Variants in DYM observed in about 807,000 individuals in gnomAD.
DYM encodes the protein dyggve-Melchior-Clausen syndrome protein.
DYM carries 78 observed loss-of-function variants against 93.1 expected under a neutral mutation model. The ratio of observed to expected loss-of-function variants is 0.84; its 90% confidence interval spans 0.70 to 1.01. The LOEUF (loss-of-function observed/expected upper bound fraction) is 1.01, where lower values mean the gene tolerates loss of function less well. Ranked by LOEUF, DYM falls within the 50% of genes least tolerant of loss-of-function variation. DYM has a pLI of 0.00. For synonymous variants in DYM, 321 were observed against 319.7 expected, an observed-to-expected ratio of 1.00 and a Z score of -0.04; for missense variants, 789 against 845.0, an observed-to-expected ratio of 0.93 and a Z score of 0.82.
At chr18:49,391,876 A>C (rs545300153) in intron 2 of DYM, among the ~76,000 whole-genome samples, 16 of 152,216 alleles carry the variant, frequency 1.1e-4, no homozygotes, top group Non-Finnish European at 1.8e-4. Flanking sequence ...AGCTTGGGGC[A>C]CCCTGCCTTT....
rs544781094 is a variant in DYM at position 49,038,433 on chromosome 18, TA to T, written c.*5621del. On this transcript the variant is annotated 3_prime_UTR_variant, in exon 18 of 18. Coordinates refer to ENST00000675505, the MANE Select transcript of DYM (RefSeq NM_001353214.3). ...TAATTGAATTGACCCTTTTATTTCT[TA>T]AAAAAATTATTGCCTTAAAGTTTAC... Among the ~76,000 whole-genome samples the T allele has an allele frequency of 9.8e-5, 15 of 152,298 alleles. No individual in the cohort carries two copies. Among genetic ancestry groups the T allele is most frequent in the African/African-American group, 3.1e-4 (13 of 41,582 alleles).
intron 13 of DYM, among the ~76,000 whole-genome samples, chr18:49,230,367 C>A (rs979228750): frequency 1.3e-5 from 2 of 152,078 alleles, no homozygotes; most frequent in African/African-American, 4.8e-5. Flanking sequence ...CTTTAAAAAC[C>A]TTTGATATCA....
intron 8 of DYM, among the ~76,000 whole-genome samples, chr18:49,327,364 T>A (rs1371387121): frequency 6.6e-6 from 1 of 151,994 alleles, no homozygotes; most frequent in African/African-American, 2.4e-5. Context: ...TTGTTTTGTT[T>A]TTGTTTTTTT....
rs1029009534 is a variant in DYM at position 49,410,075 on chromosome 18, T to C, written c.141-18430A>G. Among the ~76,000 whole-genome samples the C allele has an allele frequency of 5.9e-5, 9 of 152,204 alleles. No individual in the cohort carries two copies. In the East Asian group the frequency reaches 1.7e-3, roughly 29 times the overall value. On this transcript the variant is annotated intron_variant, in intron 2 of 17. Coordinates refer to ENST00000675505, the MANE Select transcript of DYM (RefSeq NM_001353214.3). ...CTGAACACTTTGGATTTTGTGTGTG[T>C]GTGTTTTAGAGACAGGGTCTCGATG...
chr18:49,394,118 T>A (rs2069740384), intron 2 of DYM, among the ~76,000 whole-genome samples: 1 of 152,202 alleles, frequency 6.6e-6, no homozygotes, highest in African/African-American at 2.4e-5. Flanking sequence ...TACTTTAAAA[T>A]GGTTAAAATG....
At chr18:49,095,585 G>A (rs1355113280) in intron 17 of DYM, among the ~76,000 whole-genome samples, 1 of 151,816 alleles carries the variant, frequency 6.6e-6, no homozygotes, top group Non-Finnish European at 1.5e-5. Context: ...GCCCTCTTAA[G>A]AAATTTACCC....
At chr18:49,322,867 C>A (rs2062595008) in intron 8 of DYM, among the ~76,000 whole-genome samples, 1 of 152,100 alleles carries the variant, frequency 6.6e-6, no homozygotes, top group Non-Finnish European at 1.5e-5. Flanking sequence ...ATCTCAGCAG[C>A]CCCACAAAGG....
intron 17 of DYM, among the ~76,000 whole-genome samples, chr18:49,062,170 C>A (rs1229503157): frequency 6.6e-6 from 1 of 152,076 alleles, no homozygotes; most frequent in African/African-American, 2.4e-5. Flanking sequence ...GGTTAGAAAA[C>A]GGGGAGAGAG....
chr18:49,304,894 C>T (rs2061180774), intron 8 of DYM, among the ~76,000 whole-genome samples: 1 of 152,082 alleles, frequency 6.6e-6, no homozygotes, highest in Non-Finnish European at 1.5e-5. Flanking sequence ...CTTGCACTTC[C>T]TCTATTCTAC....
At chr18:49,150,540 C>A (rs1339621847) in intron 15 of DYM, among the ~76,000 whole-genome samples, 1 of 152,240 alleles carries the variant, frequency 6.6e-6, no homozygotes, top group African/African-American at 2.4e-5. Flanking sequence ...CAGAACCCAA[C>A]TGTGCTGACA....
intron 14 of DYM, among the ~76,000 whole-genome samples, chr18:49,193,585 TA>T (rs1277570387): frequency 6.6e-6 from 1 of 152,212 alleles, no homozygotes; most frequent in Non-Finnish European, 1.5e-5. Context: ...ATTGAAATTT[TA>T]AAATCTCAGA....
chr18:49,357,741 C>T (rs1408075064), intron 6 of DYM, among the ~76,000 whole-genome samples: 1 of 152,190 alleles, frequency 6.6e-6, no homozygotes, highest in African/African-American at 2.4e-5. Context: ...CAGCAGTGAG[C>T]AAACCAAATG....
chr18:49,348,481 A>T, intron 6 of DYM, among the ~76,000 whole-genome samples: 1 of 152,210 alleles, frequency 6.6e-6, no homozygotes, highest in East Asian at 1.9e-4. Context: ...GGATTCAAGA[A>T]ATGTGGATTT....
At chr18:49,441,729 G>C (rs1014010308) in intron 1 of DYM, among the ~76,000 whole-genome samples, 1 of 152,152 alleles carries the variant, frequency 6.6e-6, no homozygotes, top group African/African-American at 2.4e-5. Flanking sequence ...CTGCCAAGGG[G>C]GACACCAACA....
At chr18:49,116,921 C>T in intron 16 of DYM, among the ~76,000 whole-genome samples, 1 of 152,202 alleles carries the variant, frequency 6.6e-6, no homozygotes, top group East Asian at 1.9e-4. Context: ...AACACCAATA[C>T]TTCTTAATTA....
intron 8 of DYM, among the ~76,000 whole-genome samples, chr18:49,326,750 C>T (rs1281550234): frequency 1.3e-5 from 2 of 152,020 alleles, no homozygotes; most frequent in Non-Finnish European, 2.9e-5. Flanking sequence ...AAGTGAAATA[C>T]AAATAACGCT....
intron 8 of DYM, among the ~76,000 whole-genome samples, chr18:49,327,491 G>A (rs959547112): frequency 6.6e-6 from 1 of 151,966 alleles, no homozygotes; most frequent in Non-Finnish European, 1.5e-5. Flanking sequence ...TAAGTAGCGG[G>A]GTCTGCAGGC....
chr18:49,297,767 A>T (rs1185161082), intron 8 of DYM, among the ~76,000 whole-genome samples: 2 of 152,144 alleles, frequency 1.3e-5, no homozygotes, highest in Admixed American at 1.3e-4. Context: ...AATTAATAGA[A>T]TAGCCTTAGA....
rs555018463 is a variant in DYM, at chr18:49,305,938, T to G, written c.764-19322A>C. Among the ~76,000 whole-genome samples, 4 of 151,842 alleles carry G rather than the reference T, an allele frequency of 2.6e-5. No homozygotes were observed. The South Asian group carries it at 8.3e-4, about 31-fold the overall frequency. ...CAACAGTCCATTCTAAGTCCTCACC[T>G]TACTTAATCACTTACTTAGATCTGC... On this transcript the variant is annotated intron_variant, in intron 8 of 17. Transcript: ENST00000675505.
Sources: gnomAD v4.1 joint callset for allele counts (sites outside exome capture counted in the v4.1 genomes callset) on GRCh38, gnomAD v4.1.1 for gene constraint, MANE v1.5 for transcripts, NCBI Gene and HGNC (gene_info 2026-07-23, HGNC 2026-07-21) for gene names.